CDH13: variants seen among roughly 807,000 people sequenced by gnomAD.
CDH13 encodes the protein cadherin-13.
In CDH13, 24 loss-of-function variants were observed where a neutral mutation model predicts 63.8. The observed-to-expected ratio is 0.38, with a 90% confidence interval of 0.27 to 0.53. CDH13 has a LOEUF of 0.53. Among genes scored for constraint, CDH13 ranks in the 20% least tolerant of loss-of-function variants. The pLI is 0.85. For missense variants in CDH13, 1,049 were observed against 903.1 expected (o/e 1.16, Z -2.07); for synonymous variants, 503 against 355.3 (o/e 1.42, Z -4.67).
chr16:83,586,115 A>G (rs535106001), intron 7 of CDH13, among the ~76,000 whole-genome samples: 1 of 152,222 alleles, frequency 6.6e-6, no homozygotes, highest in Non-Finnish European at 1.5e-5. Context: ...AGCCATGATT[A>G]TTATAATGAC....
Position 83,767,924 on chromosome 16 carries a change from G to T in CDH13, c.1682-12044G>T, listed in dbSNP as rs189384132. On this transcript the variant is annotated intron_variant, in intron 11 of 13. Transcript: ENST00000567109. ...AAATGTTCTAAAAGTAGGTAGTGGT[G>T]ATGGTCGCACAACTCTGTAAATGTA... Among the ~76,000 whole-genome samples the T allele has an allele frequency of 2.8e-3, 421 of 152,252 alleles. 2 individuals carry two copies. The highest frequency in any genetic ancestry group is 4.1e-3 in the Non-Finnish European group (279 of 68,022).
At position 83,517,581 on chromosome 16, in the gene CDH13, C is replaced by T. The variant is rs73605856; in HGVS notation, c.960+30926C>T. Among the ~76,000 whole-genome samples the T allele has an allele frequency of 9.1e-3, 1,382 of 152,238 alleles. 20 individuals carry two copies. Among genetic ancestry groups the T allele is most frequent in the African/African-American group, 0.032 (1,324 of 41,538 alleles). ...CTTTGGCTAGAACTAGTCATGTGGCCCCACCTACCTGAAGGGAGGGTGAGA... is the reference window on the plus strand; with the variant it reads ...CTTTGGCTAGAACTAGTCATGTGGCTCCACCTACCTGAAGGGAGGGTGAGA... On this transcript the variant is annotated intron_variant, in intron 7 of 13. Coordinates refer to ENST00000567109, the MANE Select transcript of CDH13 (RefSeq NM_001257.5).
intron 1 of CDH13, among the ~76,000 whole-genome samples, chr16:82,674,698 C>T (rs912941640): frequency 6.6e-6 from 1 of 152,162 alleles, no homozygotes; most frequent in African/African-American, 2.4e-5. Context: ...CCTGTGCTAA[C>T]ATTTTTTCCA....
At chr16:83,352,494 C>T (rs548640579) in intron 6 of CDH13, among the ~76,000 whole-genome samples, 4 of 152,292 alleles carry the variant, frequency 2.6e-5, no homozygotes, top group African/African-American at 9.6e-5. Context: ...AAAGAAGCCA[C>T]TGTATCAAAA....
chr16:83,269,694 G>A (rs1334386765), intron 5 of CDH13, among the ~76,000 whole-genome samples: 1 of 152,142 alleles, frequency 6.6e-6, no homozygotes, highest in Non-Finnish European at 1.5e-5. Flanking sequence ...CCAGTACCCT[G>A]AATGAGTGCT....
chr16:83,080,871 G>GTTTTTTTTTTTTTTGTTT (rs2033186496), intron 3 of CDH13, among the ~76,000 whole-genome samples: 1 of 46,956 alleles, frequency 2.1e-5, no homozygotes, highest in African/African-American at 9.2e-5. Context: ...TTGTTTTTGT[G>GTTTTTTTTTTTTTTGTTT]TTTTTTTTTT....
chr16:82,697,265 A>G (rs564003829), intron 1 of CDH13, among the ~76,000 whole-genome samples: 1 of 152,190 alleles, frequency 6.6e-6, no homozygotes, highest in Admixed American at 6.5e-5. Flanking sequence ...TTCAGTTTTA[A>G]GGTGGTTTGG....
chr16:83,209,040 A>G (rs2039260708), intron 4 of CDH13, among the ~76,000 whole-genome samples: 1 of 152,074 alleles, frequency 6.6e-6, no homozygotes, highest in African/African-American at 2.4e-5. Flanking sequence ...TATCAACTCC[A>G]GTGGGGGTGG....
chr16:83,264,423 A>G (rs935615347), intron 5 of CDH13, among the ~76,000 whole-genome samples: 1 of 152,164 alleles, frequency 6.6e-6, no homozygotes, highest in African/African-American at 2.4e-5. Context: ...TAACATATGT[A>G]GAAATATATA....
chr16:82,637,899 G>A (rs1036084967), intron 1 of CDH13: 7 of 152,164 alleles, frequency 4.6e-5, no homozygotes, highest in Admixed American at 4.6e-4. Context: ...GAGCATTTAG[G>A]GAATTCAGAG....
intron 1 of CDH13, among the ~76,000 whole-genome samples, chr16:82,819,897 A>T (rs2037919500): frequency 6.6e-6 from 1 of 152,208 alleles, no homozygotes; most frequent in Non-Finnish European, 1.5e-5. Context: ...CAATGGGAAT[A>T]GAAAAAGCAG....
At chr16:83,699,230 A>G (rs1905848728) in intron 10 of CDH13, among the ~76,000 whole-genome samples, 1 of 152,222 alleles carries the variant, frequency 6.6e-6, no homozygotes, top group Non-Finnish European at 1.5e-5. Context: ...ATTCATCATC[A>G]TTCTGCCTCC....
At chr16:82,837,005 T>C in intron 1 of CDH13, among the ~76,000 whole-genome samples, 1 of 152,244 alleles carries the variant, frequency 6.6e-6, no homozygotes, top group Non-Finnish European at 1.5e-5. Flanking sequence ...GAGGTGGAGC[T>C]TGAATGAGCT....
chr16:82,667,357 C>T (rs1326669868), intron 1 of CDH13, among the ~76,000 whole-genome samples: 1 of 152,150 alleles, frequency 6.6e-6, no homozygotes. Flanking sequence ...GCTGGCCATC[C>T]CCAAGTGCAA....
chr16:83,335,249 G>C (rs2090568203), intron 5 of CDH13, among the ~76,000 whole-genome samples: 2 of 152,152 alleles, frequency 1.3e-5, no homozygotes, highest in Admixed American at 1.3e-4. Context: ...CAGGAAGATT[G>C]TATCAAGTTG....
chr16:83,270,756 A>T (rs1319020785), intron 5 of CDH13, among the ~76,000 whole-genome samples: 1 of 152,040 alleles, frequency 6.6e-6, no homozygotes, highest in Non-Finnish European at 1.5e-5. Flanking sequence ...CATGATAAGA[A>T]TTATTTACAC....
rs117457064 is a variant in CDH13, at chr16:83,682,173, G to A, written c.1538+3712G>A. ...TACTGCAACAGAAAAAGAATATGTT[G>A]AAAGTTAGGTGCAGAATAGCAGTAT... On this transcript the variant is annotated intron_variant, in intron 10 of 13. Coordinates refer to ENST00000567109, the MANE Select transcript of CDH13 (RefSeq NM_001257.5). Among the ~76,000 whole-genome samples the A allele has an allele frequency of 2.9e-3, 441 of 152,338 alleles. 2 individuals carry two copies. Among genetic ancestry groups the A allele is most frequent in the South Asian group, 8.7e-3 (42 of 4,830 alleles).
At chr16:82,751,693 G>A (rs2034421534) in intron 1 of CDH13, among the ~76,000 whole-genome samples, 1 of 129,186 alleles carries the variant, frequency 7.7e-6, no homozygotes, top group Admixed American at 8.3e-5. Flanking sequence ...GAAAGACCAT[G>A]GAAAACAGGT....
intron 1 of CDH13, among the ~76,000 whole-genome samples, chr16:82,637,428 CTTTTT>C (rs573088098): frequency 3.7e-5 from 3 of 81,654 alleles, no homozygotes; most frequent in Non-Finnish European, 6.6e-5. Context: ...GTTACTGTGC[CTTTTT>C]TTTTTTTTTT....
Sources: gnomAD v4.1 joint callset for allele counts (sites outside exome capture counted in the v4.1 genomes callset) on GRCh38, gnomAD v4.1.1 for gene constraint, MANE v1.5 for transcripts, NCBI Gene and HGNC (gene_info 2026-07-23, HGNC 2026-07-21) for gene names.